The following AKAP6 variants were observed in gnomAD, a reference collection of about 807,000 sequenced individuals.
AKAP6 encodes the protein A-kinase anchor protein 6.
A neutral mutation model predicts 188.5 loss-of-function variants in AKAP6; 58 were observed. That is an observed-to-expected ratio of 0.31 (90% CI 0.25 to 0.38). The LOEUF (loss-of-function observed/expected upper bound fraction) is 0.38, where lower values mean the gene tolerates loss of function less well. Among genes scored for constraint, AKAP6 ranks in the 10% least tolerant of loss-of-function variants. The pLI, the probability that AKAP6 is intolerant of heterozygous loss-of-function variation, is 1.00. For synonymous variants in AKAP6, 989 were observed against 998.6 expected, an observed-to-expected ratio of 0.99 and a Z score of 0.18; for missense variants, 2,710 against 2,740.0, an observed-to-expected ratio of 0.99 and a Z score of 0.24.
chr14:32,667,855 C>T (rs146270831), intron 7 of AKAP6, among the ~76,000 whole-genome samples: 3 of 152,078 alleles, frequency 2.0e-5, no homozygotes, highest in African/African-American at 7.2e-5. Flanking sequence ...TTAAGGACAA[C>T]TATTTTATAG....
intron 2 of AKAP6, among the ~76,000 whole-genome samples, chr14:32,462,842 A>C (rs1449310608): frequency 6.6e-6 from 1 of 150,734 alleles, no homozygotes; most frequent in East Asian, 1.9e-4. Context: ...CTCACGTGCA[A>C]AAACACACAT....
chr14:32,492,355 T>TATATATATATAGAGAGAG, intron 2 of AKAP6, among the ~76,000 whole-genome samples: 2,287 of 82,430 alleles, frequency 0.028, 81 homozygotes, highest in Non-Finnish European at 0.042. Flanking sequence ...TATATATATA[T>TATATATATATAGAGAGAG]AGAGAGAGAG....
intron 7 of AKAP6, among the ~76,000 whole-genome samples, chr14:32,613,441 T>C (rs998589819): frequency 1.3e-5 from 2 of 152,218 alleles, no homozygotes; most frequent in Non-Finnish European, 2.9e-5. Flanking sequence ...CTTCTGAAGT[T>C]TATTCATAAC....
At chr14:32,365,245 A>G (rs893385113) in intron 1 of AKAP6, among the ~76,000 whole-genome samples, 1 of 152,192 alleles carries the variant, frequency 6.6e-6, no homozygotes, top group Non-Finnish European at 1.5e-5. Flanking sequence ...TGTCTGGACA[A>G]TAAAGTTACT....
intron 2 of AKAP6, among the ~76,000 whole-genome samples, chr14:32,515,340 A>G (rs1488639799): frequency 1.3e-5 from 2 of 152,080 alleles, no homozygotes; most frequent in African/African-American, 2.4e-5. Flanking sequence ...TTCAAGGTGA[A>G]TTTTGGTTGG....
At chr14:32,461,263 C>T (rs936435989) in intron 2 of AKAP6, among the ~76,000 whole-genome samples, 3 of 152,176 alleles carry the variant, frequency 2.0e-5, no homozygotes, top group African/African-American at 7.2e-5. Context: ...GGTCCCTGAC[C>T]CCCGTGCCTC....
chr14:32,531,424 C>T (rs950963546), intron 2 of AKAP6, among the ~76,000 whole-genome samples: 1 of 152,130 alleles, frequency 6.6e-6, no homozygotes, highest in Admixed American at 6.5e-5. Flanking sequence ...TTCAAGAATA[C>T]GAAGGCAGTA....
intron 11 of AKAP6, among the ~76,000 whole-genome samples, chr14:32,768,893 T>C (rs1356735136): frequency 1.3e-5 from 2 of 152,052 alleles, no homozygotes; most frequent in African/African-American, 4.8e-5. Context: ...TTCTGGGTGA[T>C]GTGAATACTG....
At chr14:32,774,406 T>G (rs567251421) in intron 12 of AKAP6, among the ~76,000 whole-genome samples, 4 of 152,332 alleles carry the variant, frequency 2.6e-5, no homozygotes, top group African/African-American at 4.8e-5. Context: ...TACAGTAATC[T>G]CCTAGTGTTC....
chr14:32,483,001 A>ATGTGTG (rs1172945025), intron 2 of AKAP6, among the ~76,000 whole-genome samples: 7,224 of 68,828 alleles, frequency 0.1, 564 homozygotes, highest in African/African-American at 0.28. Flanking sequence ...ATATATATAT[A>ATGTGTG]TATATATATA....
At chr14:32,416,822 A>AT (rs1246710642) in intron 1 of AKAP6, among the ~76,000 whole-genome samples, 4 of 150,662 alleles carry the variant, frequency 2.7e-5, no homozygotes, top group East Asian at 2.0e-4. Flanking sequence ...CACAAAGTGT[A>AT]TTTTTTCTTG....
chr14:32,725,615 T>C (rs1035630521), intron 9 of AKAP6, among the ~76,000 whole-genome samples: 1 of 152,224 alleles, frequency 6.6e-6, no homozygotes, highest in Admixed American at 6.5e-5. Flanking sequence ...AATAGCCTTC[T>C]GTCACCAAGA....
At chr14:32,355,951 A>AT (rs1009669179) in intron 1 of AKAP6, among the ~76,000 whole-genome samples, 9 of 151,146 alleles carry the variant, frequency 6.0e-5, no homozygotes, top group South Asian at 4.2e-4. Flanking sequence ...ATTTTTATAT[A>AT]TTTTTTTCGT....
At chr14:32,551,657 T>C (rs1046012883) in intron 4 of AKAP6, among the ~76,000 whole-genome samples, 1 of 151,306 alleles carries the variant, frequency 6.6e-6, no homozygotes, top group African/African-American at 2.4e-5. Flanking sequence ...TTTGTTTGTT[T>C]GTTTGTTTGT....
At chr14:32,397,692 T>C (rs1888926539) in intron 1 of AKAP6, among the ~76,000 whole-genome samples, 1 of 152,200 alleles carries the variant, frequency 6.6e-6, no homozygotes, top group Non-Finnish European at 1.5e-5. Context: ...AAATAATTCT[T>C]GGTTAACTCA....
At chr14:32,377,480 C>T (rs1283666459) in intron 1 of AKAP6, among the ~76,000 whole-genome samples, 1 of 152,074 alleles carries the variant, frequency 6.6e-6, no homozygotes, top group African/African-American at 2.4e-5. Context: ...TCGTCACTCC[C>T]ATGTGGAAAT....
chr14:32,551,552 A>T (rs1032870546), intron 4 of AKAP6, among the ~76,000 whole-genome samples: 83 of 147,468 alleles, frequency 5.6e-4, no homozygotes, highest in African/African-American at 2.1e-3. Flanking sequence ...AGCCTGGGCA[A>T]CGGAGCAAGA....
intron 4 of AKAP6, among the ~76,000 whole-genome samples, chr14:32,555,949 G>A (rs963740953): frequency 1.3e-5 from 2 of 151,130 alleles, no homozygotes; most frequent in Non-Finnish European, 2.9e-5. Flanking sequence ...GTTCTTTTGG[G>A]TATATACCCA....
At chr14:32,448,927 T>C (rs1890843539) in intron 2 of AKAP6, among the ~76,000 whole-genome samples, 1 of 152,218 alleles carries the variant, frequency 6.6e-6, no homozygotes, top group Admixed American at 6.5e-5. Flanking sequence ...GCATACTTGA[T>C]TCTACAATCT....
Sources: allele counts gnomAD v4.1 joint callset (sites outside exome capture counted in the v4.1 genomes callset), GRCh38; gene constraint gnomAD v4.1.1; transcripts MANE v1.5; gene names NCBI Gene and HGNC (gene_info 2026-07-23, HGNC 2026-07-21).